PTPN14: variants seen among roughly 807,000 people sequenced by gnomAD.
PTPN14 encodes the protein tyrosine-protein phosphatase non-receptor type 14.
Under a neutral mutation model 126.8 loss-of-function variants are expected in PTPN14, and 53 were observed. That is an observed-to-expected ratio of 0.42 (90% CI 0.34 to 0.53). PTPN14 has a LOEUF of 0.53. Ranked by LOEUF, PTPN14 falls within the 20% of genes least tolerant of loss-of-function variation. The probability of loss-of-function intolerance (pLI) is 0.08; values close to 1 mark genes in which losing one functional copy is unlikely to be tolerated. For missense variants in PTPN14, 1,257 were observed against 1,552.9 expected (o/e 0.81, Z 3.20); for synonymous variants, 630 against 599.3 (o/e 1.05, Z -0.75).
chr1:214,373,602 CA>C (rs1264960884), intron 15 of PTPN14, among the ~76,000 whole-genome samples: 6 of 138,314 alleles, frequency 4.3e-5, no homozygotes, highest in South Asian at 2.3e-4. Flanking sequence ...CACACACACA[CA>C]CACACCTGGT....
intron 1 of PTPN14, among the ~76,000 whole-genome samples, chr1:214,497,058 C>T (rs1216663482): frequency 6.6e-6 from 1 of 151,504 alleles, no homozygotes; most frequent in Non-Finnish European, 1.5e-5. Context: ...CTCAAGACAA[C>T]AAGAAATAAG....
Position 214,384,152 on chromosome 1 carries a change from G to C in PTPN14, c.1703C>G (p.Pro568Arg). The change falls in exon 13 of 19, where the codon CCC (proline) becomes CGC (arginine). Residue 568 changes from proline (P) to arginine (R), a missense_variant. Pro to Arg is a moderately radical substitution (Grantham distance 103). This residue lies in a region of PTPN14 where 1,021 missense variants were observed against 1,183.3 expected (regional missense o/e 0.86). Coordinates refer to ENST00000366956, the MANE Select transcript of PTPN14 (RefSeq NM_005401.5). This position sits in a 1 kb window ranked among gnomAD's most constrained non-coding sequence, Gnocchi z 5.3. Reference protein sequence around the residue: ...MLKNYLFRPPPPYPRPRPATS... With the variant: ...MLKNYLFRPPRPYPRPRPATS... ...GGCAGGTCGTGGCCGTGGGTAGGGG[G>C]GCGGTGGCCTGAAGAGATAGTTCTT... The C allele has an allele frequency of 6.3e-7, 1 of 1,580,936 alleles. No homozygotes were observed. The highest frequency in any genetic ancestry group is 1.3e-5 in the African/African-American group (1 of 74,638).
At chr1:214,546,846 C>G (rs2102489910) in intron 1 of PTPN14, among the ~76,000 whole-genome samples, 1 of 152,198 alleles carries the variant, frequency 6.6e-6, no homozygotes, top group South Asian at 2.1e-4. Context: ...TCAAATTTTA[C>G]ATGTAAGGTT....
chr1:214,535,007 C>A (rs144822836), intron 1 of PTPN14, among the ~76,000 whole-genome samples: 4 of 151,822 alleles, frequency 2.6e-5, no homozygotes, highest in Admixed American at 2.6e-4. Context: ...CAAAACATGA[C>A]AAGTTATATA....
chr1:214,539,536 C>T (rs1199888840), intron 1 of PTPN14, among the ~76,000 whole-genome samples: 1 of 152,200 alleles, frequency 6.6e-6, no homozygotes, highest in Non-Finnish European at 1.5e-5. Flanking sequence ...TCTCTTTTAT[C>T]ATACCCAAAA....
chr1:214,531,684 C>T (rs1185856626), intron 1 of PTPN14: 2 of 152,196 alleles, frequency 1.3e-5, no homozygotes, highest in African/African-American at 2.4e-5. Context: ...ATGGGTCTGT[C>T]TAGACACCAT....
At chr1:214,460,027 C>G (rs1462760576) in intron 2 of PTPN14, among the ~76,000 whole-genome samples, 3 of 152,192 alleles carry the variant, frequency 2.0e-5, no homozygotes, top group African/African-American at 7.2e-5. Context: ...CCTGCTCCCC[C>G]ACTACAAGTC....
At chr1:214,423,490 C>T (rs930900688) in intron 3 of PTPN14, among the ~76,000 whole-genome samples, 23 of 152,318 alleles carry the variant, frequency 1.5e-4, no homozygotes, top group African/African-American at 5.5e-4. Flanking sequence ...AGCCCACTTT[C>T]CAAGTTTTGT....
At chr1:214,511,918 T>C (rs555503475) in intron 1 of PTPN14, among the ~76,000 whole-genome samples, 1 of 152,266 alleles carries the variant, frequency 6.6e-6, no homozygotes, top group South Asian at 2.1e-4. Context: ...TTAGATTCTA[T>C]AATTCTCTGT....
At chr1:214,453,018 T>G (rs1405424443) in intron 2 of PTPN14, among the ~76,000 whole-genome samples, 1 of 152,186 alleles carries the variant, frequency 6.6e-6, no homozygotes, top group Non-Finnish European at 1.5e-5. Flanking sequence ...AAATCTCTCA[T>G]GAAGCTATGA....
At position 214,389,553 on chromosome 1, in the gene PTPN14, A is replaced by G. The variant is rs1010652564; in HGVS notation, c.987+1435T>C. Among the ~76,000 whole-genome samples, 21 of 152,244 alleles carry G rather than the reference A, an allele frequency of 1.4e-4. No homozygotes were observed. In the South Asian group the frequency reaches 3.7e-3, roughly 27 times the overall value. On this transcript the variant is annotated intron_variant, in intron 11 of 18. Coordinates refer to ENST00000366956, the MANE Select transcript of PTPN14 (RefSeq NM_005401.5). ...TGGTCTTACTCACTCATTGTAAGAAACTCTTGGTGAAATGGTTTAAACCTA... is the reference window on the plus strand; with the variant it reads ...TGGTCTTACTCACTCATTGTAAGAAGCTCTTGGTGAAATGGTTTAAACCTA...
rs1655245575 is a variant in PTPN14 at position 214,521,189 on chromosome 1, C to T, written c.-155+29994G>A. On this transcript the variant is annotated intron_variant, in intron 1 of 18. Transcript: ENST00000366956. ...AGTGAGAGATCCATGGCCCACATGG[C>T]ATGTTAATCGCTTTATAAAAATATT... Among the ~76,000 whole-genome samples, 5 of 152,188 alleles carry T rather than the reference C, an allele frequency of 3.3e-5. No homozygotes were observed. The South Asian group carries it at 1.0e-3, about 31-fold the overall frequency.
At chr1:214,441,007 CT>C (rs1252239660) in intron 3 of PTPN14, among the ~76,000 whole-genome samples, 2 of 152,144 alleles carry the variant, frequency 1.3e-5, no homozygotes, top group African/African-American at 4.8e-5. Flanking sequence ...TCTTTGTTGA[CT>C]TTTTATGGAA....
At chr1:214,367,672 A>G (rs1222793373) in intron 17 of PTPN14, among the ~76,000 whole-genome samples, 4 of 152,166 alleles carry the variant, frequency 2.6e-5, no homozygotes, top group African/African-American at 9.7e-5. Context: ...GCTCCTTTCC[A>G]GGTGGGTGAG....
chr1:214,356,904 GTC>G lies in PTPN14; in HGVS notation c.*1016_*1017del, dbSNP rs903565026. Reference sequence around the variant, plus strand: ...ATGACTTAGTGACCTCAACTTTTAGGTCTCTGTCCAGCACACACATCTTATTT... The same window carrying G: ...ATGACTTAGTGACCTCAACTTTTAGGTCTGTCCAGCACACACATCTTATTT... On this transcript the variant is annotated 3_prime_UTR_variant, in exon 19 of 19. Coordinates refer to ENST00000366956, the MANE Select transcript of PTPN14 (RefSeq NM_005401.5). 1 of 152,026 alleles carries G rather than the reference GTC, an allele frequency of 6.6e-6. No individual in the cohort carries two copies. The highest frequency in any genetic ancestry group is 1.5e-5 in the Non-Finnish European group (1 of 68,040). 9.4% of individuals were successfully genotyped at this position (152,026 alleles called of 1,614,324 possible). A position where few individuals can be genotyped will look rare whatever the true frequency, so the allele number is the denominator to read the frequency against.
At chr1:214,510,068 G>A (rs970346951) in intron 1 of PTPN14, among the ~76,000 whole-genome samples, 1 of 152,148 alleles carries the variant, frequency 6.6e-6, no homozygotes, top group African/African-American at 2.4e-5. Context: ...GGTAACTGTA[G>A]GGTTCTTAAT....
At chr1:214,408,528 A>C (rs915765193) in intron 5 of PTPN14, among the ~76,000 whole-genome samples, 2 of 151,984 alleles carry the variant, frequency 1.3e-5, no homozygotes, top group Non-Finnish European at 2.9e-5. Context: ...ATTCATTCTA[A>C]AATGTTTGTG....
At chr1:214,528,639 G>A (rs1302389072) in intron 1 of PTPN14, 1 of 152,140 alleles carries the variant, frequency 6.6e-6, no homozygotes, top group African/African-American at 2.4e-5. Flanking sequence ...TTTAAGAACT[G>A]AGGTATGGGG....
At position 214,399,637 on chromosome 1, in the gene PTPN14, C is replaced by T. The variant is rs191659832; in HGVS notation, c.670-1636G>A. On this transcript the variant is annotated intron_variant, in intron 7 of 18. Coordinates refer to ENST00000366956, the MANE Select transcript of PTPN14 (RefSeq NM_005401.5). ...ATGTGTCTCTTTGCAGCTACCATCTCTGGCCCTTTCAGTGCAGAAACTCCC... is the reference window on the plus strand; with the variant it reads ...ATGTGTCTCTTTGCAGCTACCATCTTTGGCCCTTTCAGTGCAGAAACTCCC... 1.3e-4 allele frequency among the ~76,000 whole-genome samples: 20 copies of T among 152,308 alleles called. 1 individual carries two copies. Among genetic ancestry groups the T allele is most frequent in the Middle Eastern group, 6.8e-3 (2 of 294 alleles).
Sources: gnomAD v4.1 joint callset for allele counts (sites outside exome capture counted in the v4.1 genomes callset) on GRCh38, gnomAD v4.1.1 for gene constraint, gnomAD v4.1.1 regional missense constraint, Gnocchi (gnomAD v3.1) non-coding constraint, MANE v1.5 for transcripts, NCBI Gene and HGNC (gene_info 2026-07-23, HGNC 2026-07-21) for gene names.